Variants in CCDC144A observed in about 807,000 individuals in gnomAD.
CCDC144A encodes coiled-coil domain-containing protein 144A.
Under a neutral mutation model 143.8 loss-of-function variants are expected in CCDC144A, and 41 were observed. That is an observed-to-expected ratio of 0.29 (90% confidence interval 0.22 to 0.37). The LOEUF (loss-of-function observed/expected upper bound fraction) is 0.37. Ranked by LOEUF, CCDC144A falls within the 10% of genes least tolerant of loss-of-function variation. The probability of loss-of-function intolerance (pLI) is 1.00; values close to 1 mark genes in which losing one functional copy is unlikely to be tolerated. For synonymous variants in CCDC144A, 242 were observed against 517.9 expected, an observed-to-expected ratio of 0.47 and a Z score of 7.23; for missense variants, 637 against 1,488.8, an observed-to-expected ratio of 0.43 and a Z score of 9.41.
chr17:16,680,711 CA>C, the CCDC144A span, among the ~76,000 whole-genome samples: 170 of 145,990 alleles, frequency 1.2e-3, no homozygotes, highest in Middle Eastern at 3.4e-3. Context: ...GGAAATAAAA[CA>C]AAAAAAAAAT....
chr17:16,729,856 CAA>C (rs753478971), intron 9 of CCDC144A, among the ~76,000 whole-genome samples: 3 of 111,136 alleles, frequency 2.7e-5, no homozygotes, highest in Non-Finnish European at 5.6e-5. Context: ...GACTCTGTCT[CAA>C]AAAAAAAAAA....
chr17:16,705,140 G>C lies in CCDC144A; in HGVS notation c.416-11G>C. 2.0e-6 allele frequency: 2 copies of C among 1,019,576 alleles called. No homozygotes were observed. Among genetic ancestry groups the C allele is most frequent in the Middle Eastern group, 3.0e-4 (1 of 3,284 alleles). The allele number at this position is 1,019,576 out of a possible 1,614,324, so 63.2% of individuals were successfully genotyped here. ...TCCTAAAAATGAAAACTTCATTTTC[G>C]GATTTTTCAGATTGGCATCCTACTA... On this transcript the variant is annotated splice_polypyrimidine_tract_variant and intron_variant, in intron 2 of 16. Coordinates refer to ENST00000399273, the MANE Select transcript of CCDC144A (RefSeq NM_001382000.1).
At chr17:16,746,141 A>G (rs1304599351) in intron 12 of CCDC144A, 21 of 1,571,354 alleles carry the variant, frequency 1.3e-5, no homozygotes, top group Admixed American at 1.8e-5. Context: ...TGCCACCTCC[A>G]GTATCAATCT....
chr17:16,709,521 A>G lies in CCDC144A; in HGVS notation c.1464A>G (p.Glu488=), dbSNP rs371251531. ...CACCAGATTCTGACAGAACATCAGAAGTATATCTACATGAAGAATTACAGC... is the reference window on the plus strand; with the variant it reads ...CACCAGATTCTGACAGAACATCAGAGGTATATCTACATGAAGAATTACAGC... The part of the protein sequence containing the change: ...SLPPDSDRTS[E]VYLHEELQQD... Residue 488 remains glutamate, a synonymous_variant, in exon 5 of 17, where the codon GAA becomes GAG. Transcript: ENST00000399273. 684 of 1,611,684 alleles carry G rather than the reference A, an allele frequency of 4.2e-4. 4 individuals carry two copies. The highest frequency in any genetic ancestry group is 3.2e-3 in the Middle Eastern group (14 of 4,426).
At chr17:16,669,978 C>T in the CCDC144A span, among the ~76,000 whole-genome samples, 21 of 152,012 alleles carry the variant, frequency 1.4e-4, no homozygotes, top group South Asian at 4.2e-4. Flanking sequence ...ATCAGGAGTT[C>T]GAGACCCACC....
At chr17:16,672,061 TC>T in the CCDC144A span, among the ~76,000 whole-genome samples, 2 of 151,936 alleles carry the variant, frequency 1.3e-5, no homozygotes, top group South Asian at 2.1e-4. Flanking sequence ...GTAATACACA[TC>T]CCCCCAACCA....
chr17:16,680,245 A>C, the CCDC144A span, among the ~76,000 whole-genome samples: 1 of 152,042 alleles, frequency 6.6e-6, no homozygotes, highest in South Asian at 2.1e-4. Flanking sequence ...CCTGGGCAAC[A>C]TGGTGAACCC....
chr17:16,691,063 A>G (rs1016720169), intron 1 of CCDC144A, among the ~76,000 whole-genome samples: 4 of 152,116 alleles, frequency 2.6e-5, no homozygotes, highest in African/African-American at 9.7e-5. Context: ...TAAGAACTTC[A>G]TGTTGGCCGA....
intron 2 of CCDC144A, among the ~76,000 whole-genome samples, chr17:16,699,293 A>T (rs1911585239): frequency 6.7e-6 from 1 of 148,430 alleles, no homozygotes; most frequent in South Asian, 2.2e-4. Flanking sequence ...TATACATAAG[A>T]TGTCTCTTCT....
chr17:16,699,462 G>A (rs1911598431), intron 2 of CCDC144A, among the ~76,000 whole-genome samples: 4 of 123,624 alleles, frequency 3.2e-5, no homozygotes, highest in Admixed American at 1.8e-4. Flanking sequence ...TGCAAGCTCC[G>A]CCTCCCGGGT....
In CCDC144A at chr17:16,762,428, T is replaced by C. The variant is rs1379606118; in HGVS notation, c.3782T>C (p.Ile1261Thr). 2 of 1,571,282 alleles carry C rather than the reference T, an allele frequency of 1.3e-6. No homozygotes were observed. The highest frequency in any genetic ancestry group is 2.4e-5 in the South Asian group (2 of 85,068). Reference sequence around the variant, plus strand: ...GATCTGGAATCTGAAATCTCCAGAATAAAAACTTCGCAAGCCGACTTTAAT... The same window carrying C: ...GATCTGGAATCTGAAATCTCCAGAACAAAAACTTCGCAAGCCGACTTTAAT... ...IKDLESEISRIKTSQADFNKT... is the reference protein window; with the variant it reads ...IKDLESEISRTKTSQADFNKT... Residue 1261 changes from isoleucine (I) to threonine (T), a missense_variant, in exon 14 of 17, where the codon ATA becomes ACA. Ile to Thr is a moderately conservative substitution (Grantham distance 89). Coordinates refer to ENST00000399273, the MANE Select transcript of CCDC144A (RefSeq NM_001382000.1).
In CCDC144A at chr17:16,709,169, ATATCATCCATCCATAC is replaced by A; in HGVS notation, c.1123_1138del (p.Pro375ThrfsTer22). On this transcript the variant is annotated frameshift_variant, in exon 5 of 17. Transcript: ENST00000399273. LOFTEE classifies it high-confidence loss of function. ...GAACAAAAAGAACCCAGTCTCAAAA[ATATCATCCATCCATAC>A]TATCATCCATACTCTGGGTCCCAGG... The A allele has an allele frequency of 6.2e-7, 1 of 1,611,732 alleles. No individual in the cohort carries two copies. Among genetic ancestry groups the A allele is most frequent in the Non-Finnish European group, 8.5e-7 (1 of 1,179,662 alleles).
intron 9 of CCDC144A, among the ~76,000 whole-genome samples, chr17:16,728,296 T>C (rs969078944): frequency 2.0e-5 from 3 of 152,162 alleles, no homozygotes; most frequent in African/African-American, 7.2e-5. Context: ...AAAATTGGCC[T>C]CCCAAATCAT....
chr17:16,754,071 C>T (rs1299980767), intron 12 of CCDC144A, among the ~76,000 whole-genome samples: 1 of 152,162 alleles, frequency 6.6e-6, no homozygotes, highest in Non-Finnish European at 1.5e-5. Flanking sequence ...TTATGCACTT[C>T]CAGGAATGTA....
chr17:16,686,747 AACACACACACACAC>A (rs142329474), upstream of CCDC144A, among the ~76,000 whole-genome samples: 29 of 140,488 alleles, frequency 2.1e-4, no homozygotes, highest in East Asian at 4.1e-4. Flanking sequence ...CACACACACA[AACACACACACACAC>A]ACACACACAC....
the CCDC144A span, among the ~76,000 whole-genome samples, chr17:16,671,456 A>C: frequency 1.3e-5 from 2 of 152,038 alleles, no homozygotes; most frequent in Admixed American, 1.3e-4. Context: ...TGATATTAGG[A>C]AAGTCAATAA....
In CCDC144A at chr17:16,726,368, G is replaced by C. The variant is rs1158953160; in HGVS notation, c.1892-1159G>C. On this transcript the variant is annotated intron_variant, in intron 8 of 16. Coordinates refer to ENST00000399273, the MANE Select transcript of CCDC144A (RefSeq NM_001382000.1). ...TGCACTCCAGCCTGGGCGACACAGC[G>C]AGACTCCGTCTCAAAAAAAAAAAAA... Among the ~76,000 whole-genome samples, 312 of 141,748 alleles carry C rather than the reference G, an allele frequency of 2.2e-3. 2 individuals carry two copies. Among genetic ancestry groups the C allele is most frequent in the African/African-American group, 8.1e-3 (296 of 36,700 alleles). 93.0% of individuals were successfully genotyped at this position (141,748 alleles called of 152,430 possible). A position where few individuals can be genotyped will look rare whatever the true frequency, so the allele number is the denominator to read the frequency against.
intron 6 of CCDC144A, among the ~76,000 whole-genome samples, chr17:16,717,218 G>A (rs1171520547): frequency 6.7e-6 from 1 of 148,838 alleles, no homozygotes; most frequent in Admixed American, 6.7e-5. Flanking sequence ...GGGTTCAAGC[G>A]ATTCTTCTGC....
the CCDC144A span, among the ~76,000 whole-genome samples, chr17:16,668,009 G>C: frequency 1.3e-5 from 2 of 149,026 alleles, no homozygotes; most frequent in Non-Finnish European, 3.0e-5. Flanking sequence ...TTCCAACTTA[G>C]AGTTAACATG....
Sources: allele counts gnomAD v4.1 joint callset (sites outside exome capture counted in the v4.1 genomes callset), GRCh38; gene constraint gnomAD v4.1.1; transcripts MANE v1.5; gene names NCBI Gene and HGNC (gene_info 2026-07-23, HGNC 2026-07-21).